The following PALLD variants were observed in gnomAD, a reference collection of about 807,000 sequenced individuals.
PALLD encodes palladin.
PALLD carries 61 observed loss-of-function variants against 123.5 expected under a neutral mutation model. The observed-to-expected ratio is 0.49, with a 90% CI of 0.40 to 0.61. The LOEUF (loss-of-function observed/expected upper bound fraction) is 0.61, where lower values mean the gene tolerates loss of function less well. Among genes scored for constraint, PALLD ranks in the 20% least tolerant of loss-of-function variants. The probability of loss-of-function intolerance (pLI) is 0.00; values close to 1 mark genes in which losing one functional copy is unlikely to be tolerated. For synonymous variants in PALLD, 465 were observed against 496.4 expected (o/e 0.94, Z 0.84); for missense variants, 1,273 against 1,377.0 (o/e 0.92, Z 1.20).
intron 10 of PALLD, among the ~76,000 whole-genome samples, chr4:168,887,784 G>T (rs573396536): frequency 6.6e-6 from 1 of 152,034 alleles, no homozygotes; most frequent in Non-Finnish European, 1.5e-5. Flanking sequence ...CATAGGGTCT[G>T]ATTTCACATG....
At chr4:168,810,671 G>A (rs2150737191) in intron 10 of PALLD, among the ~76,000 whole-genome samples, 1 of 152,040 alleles carries the variant, frequency 6.6e-6, no homozygotes, top group South Asian at 2.1e-4. Context: ...GGCCGGGCGT[G>A]GTGGCTCACG....
chr4:168,672,723 G>T (rs1780418565), intron 3 of PALLD, among the ~76,000 whole-genome samples: 1 of 152,192 alleles, frequency 6.6e-6, no homozygotes, highest in Non-Finnish European at 1.5e-5. Context: ...CTCCCAAAGT[G>T]CTGGGATTAC....
intron 2 of PALLD, among the ~76,000 whole-genome samples, chr4:168,627,753 C>T (rs1053025357): frequency 3.9e-5 from 6 of 152,040 alleles, no homozygotes; most frequent in African/African-American, 9.7e-5. Context: ...CCTTAACATA[C>T]GTGGAGTTTC....
chr4:168,846,227 T>C (rs1746822964), intron 10 of PALLD, among the ~76,000 whole-genome samples: 1 of 152,248 alleles, frequency 6.6e-6, no homozygotes, highest in Non-Finnish European at 1.5e-5. Flanking sequence ...AAGTACTATA[T>C]AGATCCACTA....
At chr4:168,880,521 G>A (rs1752467936) in intron 10 of PALLD, among the ~76,000 whole-genome samples, 1 of 152,184 alleles carries the variant, frequency 6.6e-6, no homozygotes, top group African/African-American at 2.4e-5. Flanking sequence ...ATTTTGGTTT[G>A]ATAAATGTGT....
At chr4:168,696,415 G>A (rs1383748367) in intron 8 of PALLD, among the ~76,000 whole-genome samples, 5 of 151,996 alleles carry the variant, frequency 3.3e-5, no homozygotes, top group Admixed American at 1.3e-4. Flanking sequence ...CACTTAGATT[G>A]TGCTATAGGG....
intron 2 of PALLD, among the ~76,000 whole-genome samples, chr4:168,623,694 G>T (rs1774976730): frequency 6.6e-6 from 1 of 152,220 alleles, no homozygotes; most frequent in Admixed American, 6.5e-5. Context: ...AACTGAAAAA[G>T]CAAGGTTATG....
Position 168,626,715 on chromosome 4 carries a change from A to G in PALLD, c.909-41475A>G, listed in dbSNP as rs1168315613. Among the ~76,000 whole-genome samples the G allele has an allele frequency of 1.0e-4, 13 of 130,322 alleles. No individual in the cohort carries two copies. In the South Asian group the frequency reaches 2.5e-3, roughly 25 times the overall value. The allele number at this position is 130,322 out of a possible 152,430, so 85.5% of individuals were successfully genotyped here. A position where few individuals can be genotyped will look rare whatever the true frequency, so the allele number is the denominator to read the frequency against. On this transcript the variant is annotated intron_variant, in intron 2 of 21. Transcript: ENST00000505667. The stretch of plus-strand genomic sequence containing the variant: ...AACAGAGTGAGAACCTGCCTCCAGG[A>G]AAAAAAAAAAAAAAAAAGTAAATGT...
At chr4:168,638,397 G>C (rs981649440) in intron 2 of PALLD, among the ~76,000 whole-genome samples, 1 of 152,108 alleles carries the variant, frequency 6.6e-6, no homozygotes, top group Non-Finnish European at 1.5e-5. Context: ...CAGTCCTCTT[G>C]GTTTCAAGTT....
intron 10 of PALLD, among the ~76,000 whole-genome samples, chr4:168,725,966 A>G (rs931726101): frequency 1.3e-5 from 2 of 152,178 alleles, no homozygotes; most frequent in African/African-American, 4.8e-5. Context: ...CTTCCCTCAT[A>G]GCCACTGCTT....
At chr4:168,567,440 A>G (rs1379947467) in intron 2 of PALLD, among the ~76,000 whole-genome samples, 1 of 152,002 alleles carries the variant, frequency 6.6e-6, no homozygotes, top group Admixed American at 6.6e-5. Flanking sequence ...ACTAATCATC[A>G]GAGAAATATA....
At chr4:168,517,451 TC>T (rs1763096761) in intron 2 of PALLD, among the ~76,000 whole-genome samples, 1 of 152,208 alleles carries the variant, frequency 6.6e-6, no homozygotes, top group Non-Finnish European at 1.5e-5. Context: ...TACAATTATT[TC>T]TTTTTATAAT....
At chr4:168,721,381 A>C (rs1355767322) in intron 10 of PALLD, among the ~76,000 whole-genome samples, 2 of 152,176 alleles carry the variant, frequency 1.3e-5, no homozygotes, top group Non-Finnish European at 2.9e-5. Flanking sequence ...AATTTGATGG[A>C]AAATATGAAC....
At chr4:168,872,019 A>G (rs1423357075) in intron 10 of PALLD, among the ~76,000 whole-genome samples, 2 of 152,138 alleles carry the variant, frequency 1.3e-5, no homozygotes, top group African/African-American at 2.4e-5. Context: ...CTTATGAGAA[A>G]CAGTTCACAT....
chr4:168,895,147 G>T (rs1754832609), intron 12 of PALLD, among the ~76,000 whole-genome samples: 1 of 152,180 alleles, frequency 6.6e-6, no homozygotes, highest in African/African-American at 2.4e-5. Context: ...ACTTTGGGAG[G>T]CTGAGGTGGG....
chr4:168,784,601 A>G (rs1416665150), intron 10 of PALLD, among the ~76,000 whole-genome samples: 1 of 152,166 alleles, frequency 6.6e-6, no homozygotes, highest in East Asian at 1.9e-4. Context: ...GAGACAAGGG[A>G]AGCGGGCGGG....
At chr4:168,507,110 T>A (rs1191647839) in intron 1 of PALLD, among the ~76,000 whole-genome samples, 2 of 152,056 alleles carry the variant, frequency 1.3e-5, no homozygotes, top group African/African-American at 4.8e-5. Flanking sequence ...AACACCAGAG[T>A]TACCAAAGGT....
chr4:168,534,462 G>T (rs1012410995), intron 2 of PALLD, among the ~76,000 whole-genome samples: 1 of 152,220 alleles, frequency 6.6e-6, no homozygotes, highest in South Asian at 2.1e-4. Context: ...TCCCACAGAA[G>T]AAAGTGTTAA....
chr4:168,623,507 T>G (rs1774953642), intron 2 of PALLD, among the ~76,000 whole-genome samples: 2 of 152,300 alleles, frequency 1.3e-5, no homozygotes, highest in African/African-American at 4.8e-5. Context: ...TGAAGAGCAA[T>G]GGTAGAAAGC....
Sources: allele counts gnomAD v4.1 joint callset (sites outside exome capture counted in the v4.1 genomes callset), GRCh38; gene constraint gnomAD v4.1.1; transcripts MANE v1.5; gene names NCBI Gene and HGNC (gene_info 2026-07-23, HGNC 2026-07-21).